Variants in CTNNBIP1 observed in about 807,000 individuals in gnomAD.
The protein encoded by CTNNBIP1 is catenin beta interacting protein 1.
In CTNNBIP1, 7 loss-of-function variants were observed where a neutral mutation model predicts 11.8. The observed-to-expected ratio is 0.60, with a 90% CI of 0.34 to 1.12. The LOEUF is 1.12. CTNNBIP1 is among the 50% of genes most tolerant of loss of function. The probability of loss-of-function intolerance (pLI) is 0.03; values close to 1 mark genes in which losing one functional copy is unlikely to be tolerated. For missense variants in CTNNBIP1, 101 were observed against 113.4 expected (o/e 0.89, Z 0.50); for synonymous variants, 58 against 43.9 (o/e 1.32, Z -1.26).
rs538826250 is a variant in CTNNBIP1 at position 9,905,682 on chromosome 1, G to A, written c.-144+4413C>T. On this transcript the variant is annotated intron_variant, in intron 1 of 5. Coordinates refer to ENST00000377263, the MANE Select transcript of CTNNBIP1 (RefSeq NM_020248.3). ...CCTGACCTGGTGATCCACCCGCCTC[G>A]GCCTCCCAAAGTGCTGGGATTACAA... 1.9e-3 allele frequency among the ~76,000 whole-genome samples: 293 copies of A among 150,742 alleles called. 2 individuals carry two copies. The highest frequency in any genetic ancestry group is 2.4e-3 in the Non-Finnish European group (162 of 67,738).
intron 2 of CTNNBIP1, among the ~76,000 whole-genome samples, chr1:9,878,793 G>A (rs12027188): frequency 6.6e-6 from 1 of 152,308 alleles, no homozygotes; most frequent in East Asian, 1.9e-4. Context: ...CTGCTGGGGT[G>A]CAAGACCCAG....
At chr1:9,853,811 T>C (rs1441078598) in intron 5 of CTNNBIP1, among the ~76,000 whole-genome samples, 1 of 152,124 alleles carries the variant, frequency 6.6e-6, no homozygotes. Flanking sequence ...AAGATAAGGA[T>C]AGCCAAAACC....
chr1:9,876,128 C>T (rs1303581716), intron 3 of CTNNBIP1, among the ~76,000 whole-genome samples: 1 of 152,156 alleles, frequency 6.6e-6, no homozygotes, highest in Non-Finnish European at 1.5e-5. Flanking sequence ...ACTAAAACTG[C>T]AACTAAATTA....
Position 9,859,129 on chromosome 1 carries a change from C to T in CTNNBIP1, c.188-8353G>A, listed in dbSNP as rs1638569923. ...GCCCCCTGCCCCCAACTGGTCCCCA[C>T]TCCTATCTCCCCTGAGCCCTGCTCC... On this transcript the variant is annotated intron_variant, in intron 5 of 5. Transcript: ENST00000377263. 2.0e-5 allele frequency among the ~76,000 whole-genome samples: 3 copies of T among 152,308 alleles called. No homozygotes were observed. The South Asian group carries it at 6.2e-4, about 32-fold the overall frequency.
At chr1:9,895,013 T>C (rs575429830) in intron 1 of CTNNBIP1, among the ~76,000 whole-genome samples, 1 of 150,500 alleles carries the variant, frequency 6.6e-6, no homozygotes, top group Non-Finnish European at 1.5e-5. Context: ...GTTCACACCA[T>C]TCTCCTGCCT....
intron 1 of CTNNBIP1, among the ~76,000 whole-genome samples, chr1:9,888,656 G>A (rs1467552357): frequency 6.6e-6 from 1 of 152,184 alleles, no homozygotes; most frequent in Non-Finnish European, 1.5e-5. Context: ...CCCCATGTTA[G>A]CCACAGCTAG....
intron 1 of CTNNBIP1, among the ~76,000 whole-genome samples, chr1:9,906,240 T>C (rs1639617353): frequency 6.6e-6 from 1 of 152,138 alleles, no homozygotes; most frequent in Non-Finnish European, 1.5e-5. Flanking sequence ...ATGGTCTTGG[T>C]ACAAAGTCCA....
chr1:9,889,415 G>C (rs1312591439), intron 1 of CTNNBIP1, among the ~76,000 whole-genome samples: 2 of 152,202 alleles, frequency 1.3e-5, no homozygotes, highest in Non-Finnish European at 2.9e-5. Flanking sequence ...CGTCTGGAGA[G>C]CTGAGTGAGA....
intron 1 of CTNNBIP1, among the ~76,000 whole-genome samples, chr1:9,903,904 G>A (rs1261777780): frequency 6.6e-6 from 1 of 152,180 alleles, no homozygotes; most frequent in African/African-American, 2.4e-5. Context: ...CTGCCTGGGA[G>A]TCATACTGCC....
At position 9,851,188 on chromosome 1, in the gene CTNNBIP1, G is replaced by A. The variant is rs1489623999; in HGVS notation, c.188-412C>T. On this transcript the variant is annotated intron_variant, in intron 5 of 5. Coordinates refer to ENST00000377263, the MANE Select transcript of CTNNBIP1 (RefSeq NM_020248.3). The surrounding 1 kb of genome is among the most constrained non-coding windows in gnomAD (Gnocchi z 4.8). ...TCAAGACTCGCGTCTTGATGCCTTC[G>A]GAGGGTCTGGCTCACTGTGGTTTTA... 1.3e-5 allele frequency among the ~76,000 whole-genome samples: 2 copies of A among 152,070 alleles called. No homozygotes were observed. Among genetic ancestry groups the A allele is most frequent in the East Asian group, 1.9e-4 (1 of 5,182 alleles).
chr1:9,857,891 G>A (rs1264345562), intron 5 of CTNNBIP1, among the ~76,000 whole-genome samples: 1 of 152,196 alleles, frequency 6.6e-6, no homozygotes, highest in Non-Finnish European at 1.5e-5. Context: ...GAGAACAAGT[G>A]TTGGCCAGGT....
intron 5 of CTNNBIP1, among the ~76,000 whole-genome samples, chr1:9,861,307 AG>A (rs1221302461): frequency 6.6e-6 from 1 of 152,226 alleles, no homozygotes; most frequent in East Asian, 1.9e-4. Flanking sequence ...GCATTTCTGA[AG>A]GGGACAAAAC....
At chr1:9,877,335 C>T (rs1203490497) in intron 3 of CTNNBIP1, among the ~76,000 whole-genome samples, 1 of 152,196 alleles carries the variant, frequency 6.6e-6, no homozygotes, top group Non-Finnish European at 1.5e-5. Context: ...TGAATACAAA[C>T]ACAGCCACCT....
chr1:9,882,555 T>C (rs1434615131), intron 2 of CTNNBIP1, among the ~76,000 whole-genome samples: 1 of 151,692 alleles, frequency 6.6e-6, no homozygotes, highest in Non-Finnish European at 1.5e-5. Context: ...GGGCACTCAG[T>C]GGGAGGGGAA....
chr1:9,862,059 C>T (rs557403776), intron 5 of CTNNBIP1, among the ~76,000 whole-genome samples: 1 of 150,778 alleles, frequency 6.6e-6, no homozygotes, highest in African/African-American at 2.4e-5. Flanking sequence ...CCCTGCTGAG[C>T]GTGACACACA....
At chr1:9,861,019 G>A (rs1638614270) in intron 5 of CTNNBIP1, among the ~76,000 whole-genome samples, 1 of 152,164 alleles carries the variant, frequency 6.6e-6, no homozygotes, top group Non-Finnish European at 1.5e-5. Context: ...GCAAGCCCAG[G>A]GCCCATCCTT....
At chr1:9,886,764 C>G (rs543028277) in intron 1 of CTNNBIP1, among the ~76,000 whole-genome samples, 1 of 152,232 alleles carries the variant, frequency 6.6e-6, no homozygotes, top group East Asian at 1.9e-4. Context: ...AGAGGCCTGC[C>G]GCAGCTCCTG....
intron 2 of CTNNBIP1, among the ~76,000 whole-genome samples, chr1:9,882,985 G>A (rs116669042): frequency 6.6e-6 from 1 of 152,328 alleles, no homozygotes; most frequent in African/African-American, 2.4e-5. Flanking sequence ...GGCCTGGAGT[G>A]AGAATGGGGG....
In CTNNBIP1 at chr1:9,873,887, C is replaced by A. The variant is rs190277552; in HGVS notation, c.-24-1799G>T. 2.6e-5 allele frequency among the ~76,000 whole-genome samples: 4 copies of A among 152,240 alleles called. No homozygotes were observed. In the East Asian group the frequency reaches 7.7e-4, roughly 29 times the overall value. ...GTAAGCTAGGGCCACAGGTGCACAT[C>A]ACCACGCTTGGCTAATTTAAAAACA... On this transcript the variant is annotated intron_variant, in intron 3 of 5. Transcript: ENST00000377263.
Sources: allele counts gnomAD v4.1 joint callset (sites outside exome capture counted in the v4.1 genomes callset), GRCh38; gene constraint gnomAD v4.1.1; non-coding constraint Gnocchi (gnomAD v3.1); transcripts MANE v1.5; gene names NCBI Gene and HGNC (gene_info 2026-07-23, HGNC 2026-07-21).